The following TNPO2 variants were observed in gnomAD, a reference collection of about 807,000 sequenced individuals.
TNPO2 encodes the protein transportin 2.
TNPO2 carries 16 observed loss-of-function variants against 111.1 expected under a neutral mutation model. That is an observed-to-expected ratio of 0.14 (90% CI 0.10 to 0.22). The LOEUF (loss-of-function observed/expected upper bound fraction) is 0.22, where lower values mean the gene tolerates loss of function less well. Among genes scored for constraint, TNPO2 ranks in the 10% least tolerant of loss-of-function variants. The pLI is 1.00. For synonymous variants in TNPO2, 481 were observed against 475.8 expected, an observed-to-expected ratio of 1.01 and a Z score of -0.14; for missense variants, 530 against 1,173.7, an observed-to-expected ratio of 0.45 and a Z score of 8.01.
In TNPO2 at chr19:12,715,255, G is replaced by A; in HGVS notation, c.636C>T (p.Asp212=). 1.2e-6 allele frequency: 2 copies of A among 1,613,634 alleles called. No homozygotes were observed. The highest frequency in any genetic ancestry group is 1.1e-5 in the South Asian group (1 of 91,058). The stretch of plus-strand genomic sequence containing the variant: ...CCCAGCGGCCCACCTCGATGAAGGT[G>A]TCAATATTGTCCATCAGCGCCTGGG... ...DRAQALMDNI[D]TFIEHLFALA... The change falls in exon 8 of 26, where the codon GAC becomes GAT. Residue 212 remains aspartate (D), a synonymous_variant. Transcript: ENST00000425528. The surrounding 1 kb of genome is among the most constrained non-coding windows in gnomAD (Gnocchi z 7.1).
Position 12,715,088 on chromosome 19 carries a change from G to A in TNPO2, c.730C>T (p.Arg244Trp), listed in dbSNP as rs373758530. The change falls in exon 9 of 26, where the codon CGG becomes TGG. Residue 244 changes from arginine to tryptophan, a missense_variant. By Grantham distance (101) the Arg-to-Trp change is moderately radical. Around this residue, in one of 4 missense-constraint regions of TNPO2, gnomAD observed 156 missense variants for 405.8 expected, o/e 0.38. Transcript: ENST00000425528. This position sits in a 1 kb window ranked among gnomAD's most constrained non-coding sequence, Gnocchi z 7.1. ...ATGTGGGGGATGAGCCTGTCAATCCGCACTTCCAGAAGCATCACCAGGGCA... is the reference window on the plus strand; with the variant it reads ...ATGTGGGGGATGAGCCTGTCAATCCACACTTCCAGAAGCATCACCAGGGCA... ...CRALVMLLEV[R>W]IDRLIPHMHS... 2 of 1,578,600 alleles carry A rather than the reference G, an allele frequency of 1.3e-6. No individual in the cohort carries two copies. Among genetic ancestry groups the A allele is most frequent in the Admixed American group, 1.7e-5 (1 of 57,418 alleles).
At chr19:12,720,750 G>A (rs2026638011) in intron 3 of TNPO2, 129 bp downstream of exon 3, 3 of 1,162,206 alleles carry the variant, frequency 2.6e-6, no homozygotes, top group Non-Finnish European at 3.5e-6. Context: ...TCTCTGTCCA[G>A]GGCAGATCCT....
rs551698329 is a variant in TNPO2, at chr19:12,715,867, T to C, written c.326-128A>G. ...CCATGTACGCCCTCTACATCCCCCC[T>C]CCTTTTTTTTTTCTTTGTAAGAGAT... On this transcript the variant is annotated intron_variant, in intron 5 of 25. Coordinates refer to ENST00000425528, the MANE Select transcript of TNPO2 (RefSeq NM_001382241.1). This position sits in a 1 kb window ranked among gnomAD's most constrained non-coding sequence, Gnocchi z 7.1. The C allele has an allele frequency of 1.7e-5, 12 of 688,190 alleles. No individual in the cohort carries two copies. Among genetic ancestry groups the C allele is most frequent in the African/African-American group, 1.1e-4 (6 of 54,886 alleles). 42.6% of individuals were successfully genotyped at this position (688,190 alleles called of 1,614,324 possible). A position where few individuals can be genotyped will look rare whatever the true frequency, so the allele number is the denominator to read the frequency against.
chr19:12,706,799 C>T lies in TNPO2; in HGVS notation c.1271-4G>A, dbSNP rs374321031. 4 of 1,598,374 alleles carry T rather than the reference C, an allele frequency of 2.5e-6. No individual in the cohort carries two copies. Among genetic ancestry groups the T allele is most frequent in the African/African-American group, 2.7e-5 (2 of 74,668 alleles). ...GGCACCATGCCCTGCATGCAGCCTACAAGGAAAGGGAACCAAGAGGGGGCA... is the reference window on the plus strand; with the variant it reads ...GGCACCATGCCCTGCATGCAGCCTATAAGGAAAGGGAACCAAGAGGGGGCA... On this transcript the variant is annotated splice_polypyrimidine_tract_variant and splice_region_variant and intron_variant, in intron 13 of 25. Coordinates refer to ENST00000425528, the MANE Select transcript of TNPO2 (RefSeq NM_001382241.1). This position sits in a 1 kb window ranked among gnomAD's most constrained non-coding sequence, Gnocchi z 7.0.
chr19:12,711,722 C>A, intron 10 of TNPO2, 109 bp from the exon 11 acceptor site: 1 of 859,322 alleles, frequency 1.2e-6, no homozygotes, highest in Non-Finnish European at 1.9e-6. Flanking sequence ...ACCAGCCCCC[C>A]AATCAGCCAC....
At chr19:12,704,556 C>T (rs1404715245) in intron 18 of TNPO2, among the ~76,000 whole-genome samples, 1 of 152,190 alleles carries the variant, frequency 6.6e-6, no homozygotes, top group Non-Finnish European at 1.5e-5. Flanking sequence ...GCGTTCAGTA[C>T]AGATGTAATT....
In TNPO2 at chr19:12,703,530, G is replaced by A. The variant is rs757878174; in HGVS notation, c.2111-4C>T. On this transcript the variant is annotated splice_polypyrimidine_tract_variant and splice_region_variant and intron_variant, in intron 19 of 25. Coordinates refer to ENST00000425528, the MANE Select transcript of TNPO2 (RefSeq NM_001382241.1). ...CCCAGAATGGGCATGAACTCGGCTG[G>A]TGGGGAGAAACAGGGGTGCTGAGAA... The A allele has an allele frequency of 6.2e-7, 1 of 1,613,960 alleles. No homozygotes were observed. Among genetic ancestry groups the A allele is most frequent in the Non-Finnish European group, 8.5e-7 (1 of 1,179,856 alleles).
In TNPO2 at chr19:12,699,231, G is replaced by T; in HGVS notation, c.*2033C>A. ...AAGAAACTGATCTTTACTCAACAAA[G>T]TTCTACACAAGTGGAATCTCACGCC... On this transcript the variant is annotated 3_prime_UTR_variant, in exon 26 of 26. Transcript: ENST00000425528. 1 of 431,496 alleles carries T rather than the reference G, an allele frequency of 2.3e-6. No individual in the cohort carries two copies. Among genetic ancestry groups the T allele is most frequent in the African/African-American group, 2.1e-5 (1 of 48,490 alleles). The allele number at this position is 431,496 out of a possible 1,614,324, so 26.7% of individuals were successfully genotyped here. A position where few individuals can be genotyped will look rare whatever the true frequency, so the allele number is the denominator to read the frequency against.
chr19:12,704,655 AC>A (rs1369402936), intron 18 of TNPO2, among the ~76,000 whole-genome samples: 1 of 146,564 alleles, frequency 6.8e-6, no homozygotes, highest in Non-Finnish European at 1.5e-5. Context: ...TGGGGCAGGG[AC>A]TTGGGCTTTC....
At chr19:12,708,883 A>C (rs1391090591) in intron 13 of TNPO2, among the ~76,000 whole-genome samples, 2 of 151,926 alleles carry the variant, frequency 1.3e-5, no homozygotes, top group African/African-American at 4.8e-5. Flanking sequence ...AAAAAAAAGA[A>C]ATTAGCCAGG....
intron 2 of TNPO2, chr19:12,722,424 G>A (rs1243480629): frequency 1.3e-5 from 2 of 151,090 alleles, no homozygotes; most frequent in East Asian, 3.9e-4. Context: ...GCCCGGCGGG[G>A]GTCGACGCAA....
intron 5 of TNPO2, among the ~76,000 whole-genome samples, chr19:12,718,505 C>G (rs1301153734): frequency 6.6e-6 from 1 of 152,002 alleles, no homozygotes; most frequent in Non-Finnish European, 1.5e-5. Flanking sequence ...GGGGTTTCAC[C>G]ATGTTGGCCA....
In TNPO2 at chr19:12,706,538, T is replaced by C; in HGVS notation, c.1496+32A>G. 1.2e-6 allele frequency: 2 copies of C among 1,607,816 alleles called. No individual in the cohort carries two copies. Among genetic ancestry groups the C allele is most frequent in the Non-Finnish European group, 1.7e-6 (2 of 1,175,560 alleles). The stretch of plus-strand genomic sequence containing the variant: ...TTCCCAGAGGGTGGCCGGGGGAGAG[T>C]GGGGGCTGTGGGATCAGGGGTCCAG... On this transcript the variant is annotated intron_variant, in intron 14 of 25. Coordinates refer to ENST00000425528, the MANE Select transcript of TNPO2 (RefSeq NM_001382241.1). This position sits in a 1 kb window ranked among gnomAD's most constrained non-coding sequence, Gnocchi z 7.0.
chr19:12,717,893 G>C (rs1287997064), intron 5 of TNPO2, among the ~76,000 whole-genome samples: 2 of 152,036 alleles, frequency 1.3e-5, no homozygotes, highest in Non-Finnish European at 2.9e-5. Context: ...TGTAGGCCAG[G>C]CTAGTCTCCA....
chr19:12,706,471 G>A lies in TNPO2; in HGVS notation c.1496+99C>T, dbSNP rs376865152. The A allele has an allele frequency of 4.1e-4, 647 of 1,569,296 alleles. 2 individuals are homozygous for A. The highest frequency in any genetic ancestry group is 6.4e-4 in the South Asian group (58 of 90,080). Reference sequence around the variant, plus strand: ...ACTCAGGATCAGCCAGTACGAATACGCGATAAATCAGTTCCACATCAACAG... The same window carrying A: ...ACTCAGGATCAGCCAGTACGAATACACGATAAATCAGTTCCACATCAACAG... On this transcript the variant is annotated intron_variant, in intron 14 of 25. Transcript: ENST00000425528. This position sits in a 1 kb window ranked among gnomAD's most constrained non-coding sequence, Gnocchi z 7.0.
chr19:12,713,446 T>C (rs1043244183), intron 10 of TNPO2, among the ~76,000 whole-genome samples: 3 of 146,596 alleles, frequency 2.0e-5, no homozygotes, highest in African/African-American at 7.4e-5. Context: ...TTGAGACCAA[T>C]TGGGACAATA....
chr19:12,702,086 C>T lies in TNPO2; in HGVS notation c.2397G>A (p.Gln799=), dbSNP rs367890401. ...TGGACACACACCAAGGCCGGATGAA[C>T]TGCTGCAGCATGGGTGCCACCTCCT... ...CPQEVAPMLQ[Q]FIRPWCTSLR... is the part of the protein sequence containing the mutation. Residue 799 remains glutamine (Q), a synonymous_variant, in exon 22 of 26, where the codon CAG becomes CAA. Coordinates refer to ENST00000425528, the MANE Select transcript of TNPO2 (RefSeq NM_001382241.1). This position sits in a 1 kb window ranked among gnomAD's most constrained non-coding sequence, Gnocchi z 5.5. The T allele has an allele frequency of 1.8e-5, 29 of 1,613,444 alleles. No homozygotes were observed. The highest frequency in any genetic ancestry group is 2.5e-5 in the Non-Finnish European group (29 of 1,179,836).
At position 12,705,376 on chromosome 19, in the gene TNPO2, T is replaced by C; in HGVS notation, c.1886A>G (p.Gln629Arg). 6.3e-7 allele frequency: 1 copy of C among 1,585,968 alleles called. No individual in the cohort carries two copies. Among genetic ancestry groups the C allele is most frequent in the Non-Finnish European group, 8.6e-7 (1 of 1,166,380 alleles). Residue 629 changes from glutamine (Q) to arginine (R), a missense_variant, in exon 18 of 26, where the codon CAG becomes CGG. Physicochemically the swap from Gln to Arg is conservative, Grantham distance 43. Transcript: ENST00000425528. This position sits in a 1 kb window ranked among gnomAD's most constrained non-coding sequence, Gnocchi z 7.2. ...QAMMYTQHPE[Q>R]YEAPDKDFMI... is the part of the protein sequence containing the mutation. ...GAAGTCCTTGTCGGGAGCCTCATACTGCTCAGGGTGCTGGGTGTACATCTA... is the reference window on the plus strand; with the variant it reads ...GAAGTCCTTGTCGGGAGCCTCATACCGCTCAGGGTGCTGGGTGTACATCTA...
Position 12,702,523 on chromosome 19 carries a change from C to T in TNPO2, c.2305+300G>A, listed in dbSNP as rs2025383356. The T allele has an allele frequency of 3.9e-6, 2 of 517,210 alleles. No individual in the cohort carries two copies. Among genetic ancestry groups the T allele is most frequent in the South Asian group, 4.0e-5 (2 of 49,556 alleles). 32.0% of individuals were successfully genotyped at this position (517,210 alleles called of 1,614,324 possible). On this transcript the variant is annotated intron_variant, in intron 21 of 25. Transcript: ENST00000425528. This position sits in a 1 kb window ranked among gnomAD's most constrained non-coding sequence, Gnocchi z 5.5. ...CTGGGATTGCAGGCACGTGCCATTA[C>T]CCCCGGCTAATTTTTGTATTTTTTA...
Sources: gnomAD v4.1 joint callset for allele counts (sites outside exome capture counted in the v4.1 genomes callset) on GRCh38, gnomAD v4.1.1 for gene constraint, gnomAD v4.1.1 regional missense constraint, Gnocchi (gnomAD v3.1) non-coding constraint, MANE v1.5 for transcripts, NCBI Gene and HGNC (gene_info 2026-07-23, HGNC 2026-07-21) for gene names.